TBC1D24: variants seen among roughly 807,000 people sequenced by gnomAD.
TBC1D24 encodes Infantile myoclonic epilepsy.
TBC1D24 carries 47 observed loss-of-function variants against 50.7 expected under a neutral mutation model. The observed-to-expected ratio is 0.93, with a 90% CI of 0.73 to 1.18. The LOEUF (loss-of-function observed/expected upper bound fraction) is 1.18. Among genes scored for constraint, TBC1D24 ranks in the 50% most tolerant of loss-of-function variants. The pLI, the probability that TBC1D24 is intolerant of heterozygous loss-of-function variation, is 0.00. For synonymous variants in TBC1D24, 324 were observed against 335.2 expected (o/e 0.97, Z 0.36); for missense variants, 688 against 766.5 (o/e 0.90, Z 1.21).
rs1187203411 is a variant in TBC1D24 at position 2,475,688 on chromosome 16, T to TG, written c.-116+524dup. On this transcript the variant is annotated intron_variant, in intron 1 of 7. Transcript: ENST00000646147. The surrounding 1 kb of genome is among the most constrained non-coding windows in gnomAD (Gnocchi z 4.2). The stretch of plus-strand genomic sequence containing the variant: ...TCCGCCAGCCCCCGGCCCTGTCCAG[T>TG]GGGGGGCCCCTCTGGGTGCGCCGTG... 6.7e-6 allele frequency among the ~76,000 whole-genome samples: 1 copy of TG among 149,392 alleles called. No individual in the cohort carries two copies. The highest frequency in any genetic ancestry group is 2.5e-5 in the African/African-American group (1 of 40,786).
At chr16:2,498,848 C>A (rs1223844374) in intron 4 of TBC1D24, among the ~76,000 whole-genome samples, 1 of 152,214 alleles carries the variant, frequency 6.6e-6, no homozygotes, top group African/African-American at 2.4e-5. Flanking sequence ...CTGGGTTGGG[C>A]CTGGGGTGAC....
rs756581138 is a variant in TBC1D24 at position 2,496,359 on chromosome 16, G to T, written c.211G>T (p.Ala71Ser). 3 of 1,613,330 alleles carry T rather than the reference G, an allele frequency of 1.9e-6. No individual in the cohort carries two copies. The highest frequency in any genetic ancestry group is 1.1e-5 in the South Asian group (1 of 91,092). The change falls in exon 2 of 8, where the codon GCC (alanine) becomes TCC (serine). Residue 71 changes from alanine (A) to serine (S), a missense_variant. Physicochemically the swap from Ala to Ser is moderately conservative, Grantham distance 99 (BLOSUM62 1). Coordinates refer to ENST00000646147, the MANE Select transcript of TBC1D24 (RefSeq NM_001199107.2). The stretch of plus-strand genomic sequence containing the variant: ...TCCCTGCCGCACGGTCACGCCTGAC[G>T]CCAGCGTGTACAGCGACATCGTGGG... ...DIPCRTVTPD[A>S]SVYSDIVGKI...
In TBC1D24 at chr16:2,487,373, C is replaced by T. The variant is rs1438641540; in HGVS notation, c.-115-8661C>T. Among the ~76,000 whole-genome samples the T allele has an allele frequency of 6.6e-6, 1 of 152,240 alleles. No individual in the cohort carries two copies. The highest frequency in any genetic ancestry group is 2.4e-5 in the African/African-American group (1 of 41,464). Reference sequence around the variant, plus strand: ...GAGCCGCGGTCGTATGCTGCCTCCTCACGTTTGCTGTGACCTGGGACAGGA... The same window carrying T: ...GAGCCGCGGTCGTATGCTGCCTCCTTACGTTTGCTGTGACCTGGGACAGGA... On this transcript the variant is annotated intron_variant, in intron 1 of 7. Transcript: ENST00000646147. This position sits in a 1 kb window ranked among gnomAD's most constrained non-coding sequence, Gnocchi z 4.1.
Position 2,504,103 on chromosome 16 carries a change from G to A in TBC1D24, c.*3145G>A, listed in dbSNP as rs2065815534. The A allele has an allele frequency of 1.3e-5, 2 of 152,014 alleles. No homozygotes were observed. Among genetic ancestry groups the A allele is most frequent in the South Asian group, 4.1e-4 (2 of 4,826 alleles). 9.4% of individuals were successfully genotyped at this position (152,014 alleles called of 1,614,324 possible). On this transcript the variant is annotated 3_prime_UTR_variant, in exon 8 of 8. Coordinates refer to ENST00000646147, the MANE Select transcript of TBC1D24 (RefSeq NM_001199107.2). ...TATTTTAATTTTTCTATTTTTGTAA[G>A]CCGCATACTTCATTTTTTGAGTTTT...
At chr16:2,481,878 A>T (rs1402261381) in intron 1 of TBC1D24, 8 of 152,220 alleles carry the variant, frequency 5.3e-5, no homozygotes, top group Non-Finnish European at 1.2e-4. Flanking sequence ...GTGGTGACTA[A>T]CACCTCATTA....
chr16:2,479,638 C>T (rs1026371220), intron 1 of TBC1D24: 4 of 152,346 alleles, frequency 2.6e-5, no homozygotes, highest in South Asian at 2.1e-4. Flanking sequence ...CCTATCTGCC[C>T]GTGGCCAGCA....
intron 1 of TBC1D24, chr16:2,479,737 C>T (rs550230291): frequency 6.6e-6 from 1 of 152,430 alleles, no homozygotes; most frequent in African/African-American, 2.4e-5. Flanking sequence ...GGGGCGCAGG[C>T]TTCATGGCCT....
At position 2,485,319 on chromosome 16, in the gene TBC1D24, C is replaced by T. The variant is rs1467815030; in HGVS notation, c.-116+10149C>T. The T allele has an allele frequency of 6.6e-6, 1 of 152,098 alleles. No homozygotes were observed. The highest frequency in any genetic ancestry group is 1.5e-5 in the Non-Finnish European group (1 of 68,042). 9.4% of individuals were successfully genotyped at this position (152,098 alleles called of 1,614,324 possible). A position where few individuals can be genotyped will look rare whatever the true frequency, so the allele number is the denominator to read the frequency against. On this transcript the variant is annotated intron_variant, in intron 1 of 7. Transcript: ENST00000646147. This position sits in a 1 kb window ranked among gnomAD's most constrained non-coding sequence, Gnocchi z 4.6. ...AGAGGTGGAAGGTCAAGTTGATTGCCAGTGGGGTAATCAGTTATGCCTACT... is the reference window on the plus strand; with the variant it reads ...AGAGGTGGAAGGTCAAGTTGATTGCTAGTGGGGTAATCAGTTATGCCTACT...
chr16:2,497,226 C>A, intron 2 of TBC1D24, 113 bp downstream of exon 2: 2 of 1,408,936 alleles, frequency 1.4e-6, no homozygotes, highest in Non-Finnish European at 2.0e-6. Flanking sequence ...CATGGTCCAC[C>A]CAGCCATCTG....
chr16:2,497,394 C>G (rs1243409397), intron 2 of TBC1D24, among the ~76,000 whole-genome samples: 1 of 152,230 alleles, frequency 6.6e-6, no homozygotes, highest in Non-Finnish European at 1.5e-5. Context: ...CAGGCCCACT[C>G]CCAGGGTCAT....
intron 1 of TBC1D24, chr16:2,477,788 G>T (rs918287326): frequency 1.3e-5 from 2 of 152,232 alleles, no homozygotes; most frequent in Non-Finnish European, 2.9e-5. Flanking sequence ...GGTGGGGGTG[G>T]GGCTCTGAGA....
At chr16:2,498,130 G>A in intron 3 of TBC1D24, 108 bp from the exon 4 acceptor site, 1 of 1,435,278 alleles carries the variant, frequency 7.0e-7, no homozygotes, top group South Asian at 1.2e-5. Flanking sequence ...AAGCAGGCGA[G>A]AAGTTCCCTC....
rs79134779 is a variant in TBC1D24 at position 2,476,352 on chromosome 16, A to G, written c.-116+1182A>G. Among the ~76,000 whole-genome samples the G allele has an allele frequency of 5.1e-3, 780 of 152,336 alleles. 2 individuals are homozygous for G. Among genetic ancestry groups the G allele is most frequent in the Middle Eastern group, 0.01 (3 of 294 alleles). ...AGTAGGCACCTGTAAATGTTTGCTC[A>G]GTTGCGGCGAAGACAAGCAGTCAGG... On this transcript the variant is annotated intron_variant, in intron 1 of 7. Coordinates refer to ENST00000646147, the MANE Select transcript of TBC1D24 (RefSeq NM_001199107.2).
rs1830961722 is a variant in TBC1D24, at chr16:2,486,906, G to T, written c.-115-9128G>T. 2.0e-5 allele frequency among the ~76,000 whole-genome samples: 3 copies of T among 152,240 alleles called. No homozygotes were observed. Among genetic ancestry groups the T allele is most frequent in the Admixed American group, 6.5e-5 (1 of 15,290 alleles). On this transcript the variant is annotated intron_variant, in intron 1 of 7. Transcript: ENST00000646147. The surrounding 1 kb of genome is among the most constrained non-coding windows in gnomAD (Gnocchi z 5.8). ...GATCCAACCCTGAGCCATCTCTGGG[G>T]GTCCCCTCATCTTCTCCACCCTCCC...
intron 1 of TBC1D24, among the ~76,000 whole-genome samples, chr16:2,489,594 C>T (rs772810288): frequency 6.6e-6 from 1 of 152,142 alleles, no homozygotes; most frequent in African/African-American, 2.4e-5. Context: ...AAAGAAGCCG[C>T]ACTGGGTATG....
In TBC1D24 at chr16:2,497,682, A is replaced by G. The variant is rs549937074; in HGVS notation, c.966-28A>G. 54 of 1,535,490 alleles carry G rather than the reference A, an allele frequency of 3.5e-5. No homozygotes were observed. In the South Asian group the frequency reaches 5.7e-4, roughly 16 times the overall value. ...TTTGTCTGTTTTATTTTTCTTCTCCATGTCCGTTGCTTTCTCCTGTTTTTC... is the reference window on the plus strand; with the variant it reads ...TTTGTCTGTTTTATTTTTCTTCTCCGTGTCCGTTGCTTTCTCCTGTTTTTC... On this transcript the variant is annotated intron_variant, in intron 2 of 7. Coordinates refer to ENST00000646147, the MANE Select transcript of TBC1D24 (RefSeq NM_001199107.2).
Position 2,499,701 on chromosome 16 carries a change from GC to G in TBC1D24, c.1207-131del. On this transcript the variant is annotated intron_variant, in intron 5 of 7. Transcript: ENST00000646147. The surrounding 1 kb of genome is among the most constrained non-coding windows in gnomAD (Gnocchi z 4.0). ...ACACTGCCTTTCCCACACCACTCCT[GC>G]CCTGGGGTGGGGGTGGGAGACGGCA... 3.5e-6 allele frequency: 3 copies of G among 860,212 alleles called. No individual in the cohort carries two copies. The highest frequency in any genetic ancestry group is 2.0e-6 in the Non-Finnish European group (1 of 500,162). 53.3% of individuals were successfully genotyped at this position (860,212 alleles called of 1,614,324 possible).
chr16:2,475,167 G>C lies in TBC1D24; in HGVS notation c.-119G>C, dbSNP rs1230756942. On this transcript the variant is annotated 5_prime_UTR_variant, in exon 1 of 8. Transcript: ENST00000646147. This position sits in a 1 kb window ranked among gnomAD's most constrained non-coding sequence, Gnocchi z 4.2. The stretch of plus-strand genomic sequence containing the variant: ...GCAGGCTGAGGAGAAAGCGGCGCGC[G>C]GAGGTGGGTGCGCTCGGGGCGTGCG... 3 of 150,194 alleles carry C rather than the reference G, an allele frequency of 2.0e-5. No individual in the cohort carries two copies. Among genetic ancestry groups the C allele is most frequent in the East Asian group, 1.9e-4 (1 of 5,188 alleles). 9.3% of individuals were successfully genotyped at this position (150,194 alleles called of 1,614,324 possible). A position where few individuals can be genotyped will look rare whatever the true frequency, so the allele number is the denominator to read the frequency against.
chr16:2,496,678 A>G lies in TBC1D24; in HGVS notation c.530A>G (p.Glu177Gly), dbSNP rs767035291. 1.2e-6 allele frequency: 2 copies of G among 1,613,152 alleles called. No individual in the cohort carries two copies. The highest frequency in any genetic ancestry group is 2.7e-5 in the African/African-American group (2 of 74,940). Residue 177 changes from glutamate to glycine, a missense_variant, in exon 2 of 8, where the codon GAG becomes GGG. Glu to Gly is a moderately conservative substitution (Grantham distance 98). Transcript: ENST00000646147. ...RLIDQSFLAF[E>G]SSCMTFGDLV... ...ATCGACCAGAGCTTCCTGGCCTTTG[A>G]GTCGTCCTGCATGACGTTTGGGGAC...
Sources: allele counts gnomAD v4.1 joint callset (sites outside exome capture counted in the v4.1 genomes callset), GRCh38; gene constraint gnomAD v4.1.1; non-coding constraint Gnocchi (gnomAD v3.1); transcripts MANE v1.5; gene names NCBI Gene and HGNC (gene_info 2026-07-23, HGNC 2026-07-21).